CWF19L2: variants seen among roughly 807,000 people sequenced by gnomAD.
CWF19L2 encodes CWF19-like protein 2.
A neutral mutation model predicts 111.7 loss-of-function variants in CWF19L2; 98 were observed. That is an observed-to-expected ratio of 0.88 (90% CI 0.75 to 1.04). The LOEUF (loss-of-function observed/expected upper bound fraction) is 1.04. Ranked by LOEUF, CWF19L2 falls within the 50% of genes least tolerant of loss-of-function variation. The pLI is 0.00. For synonymous variants in CWF19L2, 351 were observed against 342.9 expected (o/e 1.02, Z -0.26); for missense variants, 1,101 against 1,051.4 (o/e 1.05, Z -0.65).
intron 14 of CWF19L2, among the ~76,000 whole-genome samples, chr11:107,343,788 T>G (rs996490880): frequency 2.6e-4 from 39 of 152,186 alleles, no homozygotes; most frequent in African/African-American, 8.4e-4. Flanking sequence ...CATACATATA[T>G]ATTTAATCAC....
intron 12 of CWF19L2, among the ~76,000 whole-genome samples, chr11:107,361,810 T>C (rs1272356514): frequency 1.3e-5 from 2 of 152,074 alleles, no homozygotes; most frequent in Non-Finnish European, 2.9e-5. Flanking sequence ...TGGAAGATGT[T>C]GGGGGAGGAG....
At chr11:107,363,257 T>C (rs1303108012) in intron 12 of CWF19L2, among the ~76,000 whole-genome samples, 6 of 152,028 alleles carry the variant, frequency 3.9e-5, no homozygotes, top group Non-Finnish European at 5.9e-5. Flanking sequence ...CTGCGGGATA[T>C]TATCCAGGAG....
At chr11:107,363,230 C>G (rs1860384740) in intron 12 of CWF19L2, among the ~76,000 whole-genome samples, 1 of 152,058 alleles carries the variant, frequency 6.6e-6, no homozygotes, top group South Asian at 2.1e-4. Flanking sequence ...GAGAATGGAA[C>G]CAAGTTGGAA....
intron 8 of CWF19L2, among the ~76,000 whole-genome samples, chr11:107,418,838 C>CA (rs1444740855): frequency 1.3e-5 from 2 of 151,966 alleles, no homozygotes; most frequent in Non-Finnish European, 2.9e-5. Context: ...AAGCCTCACA[C>CA]AAAAAAAGAA....
intron 12 of CWF19L2, among the ~76,000 whole-genome samples, chr11:107,385,286 T>A (rs145859283): frequency 1.3e-5 from 2 of 150,990 alleles, no homozygotes; most frequent in Non-Finnish European, 2.9e-5. Context: ...TGGCATTGCT[T>A]TGCATATTTA....
At chr11:107,397,382 T>C (rs917617146) in intron 10 of CWF19L2, among the ~76,000 whole-genome samples, 2 of 152,092 alleles carry the variant, frequency 1.3e-5, no homozygotes, top group African/African-American at 2.4e-5. Flanking sequence ...GTGAGGCCTG[T>C]GACTGCCAGC....
chr11:107,381,226 A>T (rs1860681694), intron 12 of CWF19L2, among the ~76,000 whole-genome samples: 1 of 152,212 alleles, frequency 6.6e-6, no homozygotes, highest in African/African-American at 2.4e-5. Flanking sequence ...AATGGTTAAA[A>T]TGGTAAATTT....
chr11:107,374,011 A>G (rs1471446810), intron 12 of CWF19L2, among the ~76,000 whole-genome samples: 1 of 137,304 alleles, frequency 7.3e-6, no homozygotes, highest in Non-Finnish European at 1.6e-5. Context: ...ACTGGAAGAA[A>G]GGGTATCAGC....
chr11:107,418,757 A>T (rs1165409322), intron 8 of CWF19L2, among the ~76,000 whole-genome samples: 1 of 152,230 alleles, frequency 6.6e-6, no homozygotes, highest in Non-Finnish European at 1.5e-5. Flanking sequence ...AAGTCAGTCC[A>T]GAACATAACA....
intron 10 of CWF19L2, among the ~76,000 whole-genome samples, chr11:107,394,884 TA>T: frequency 6.6e-6 from 1 of 152,292 alleles, no homozygotes; most frequent in East Asian, 1.9e-4. Flanking sequence ...ATTCTTTGCT[TA>T]AAAATCTGCA....
Position 107,349,037 on chromosome 11 carries a change from G to C in CWF19L2, c.2102C>G (p.Pro701Arg), listed in dbSNP as rs751893438. 1.3e-6 allele frequency: 2 copies of C among 1,596,768 alleles called. No homozygotes were observed. Among genetic ancestry groups the C allele is most frequent in the South Asian group, 2.2e-5 (2 of 89,640 alleles). Residue 701 changes from proline to arginine, a missense_variant, in exon 14 of 18, where the codon CCC (proline) becomes CGC (arginine). Transcript: ENST00000282251. ...CCCCTCAGTAAGAGACCGTACGTTG[G>C]GTAAACATAAATAAACCTATAAGAG... ...AIGVKVYLCL[P>R]NVRSLTEGHC...
At chr11:107,393,948 A>C (rs559744303) in intron 10 of CWF19L2, among the ~76,000 whole-genome samples, 23 of 152,176 alleles carry the variant, frequency 1.5e-4, no homozygotes, top group Non-Finnish European at 2.4e-4. Flanking sequence ...TATTCAGGTG[A>C]TGGGTAGAAG....
chr11:107,424,007 T>C lies in CWF19L2; in HGVS notation c.1433+4792A>G, dbSNP rs181041591. On this transcript the variant is annotated intron_variant, in intron 8 of 17. Transcript: ENST00000282251. ...CTAATGTGAGCTTCTCATGAAGAAC[T>C]AGAAGTTGTTTCTTTATAATACCAA... 8.0e-4 allele frequency among the ~76,000 whole-genome samples: 122 copies of C among 151,972 alleles called. 1 individual carries two copies. The Middle Eastern group carries it at 0.031, about 38-fold the overall frequency.
At chr11:107,357,102 T>C (rs1005014239) in intron 12 of CWF19L2, among the ~76,000 whole-genome samples, 5 of 151,588 alleles carry the variant, frequency 3.3e-5, no homozygotes, top group Non-Finnish European at 5.9e-5. Context: ...AGAAACTAAG[T>C]AACTTAACCA....
In CWF19L2 at chr11:107,429,542, G is replaced by A. The variant is rs1040720932; in HGVS notation, c.781-91C>T. ...ATGTCACTGTATGACTCACTGCCAA[G>A]TGGCACACTGAAAAGCCCACTAACG... On this transcript the variant is annotated intron_variant, in intron 7 of 17. Transcript: ENST00000282251. The A allele has an allele frequency of 3.0e-5, 30 of 996,544 alleles. 1 individual carries two copies. The highest frequency in any genetic ancestry group is 3.0e-4 in the African/African-American group (18 of 60,614). 61.7% of individuals were successfully genotyped at this position (996,544 alleles called of 1,614,324 possible).
chr11:107,428,935 G>T lies in CWF19L2; in HGVS notation c.1297C>A (p.Gln433Lys). ...DGRGDKKHSN[Q>K]KPSETSTDEH... ...TCAGTACTGGTTTCCGATGGCTTTT[G>T]ATTTGAATGTTTCTTGTCTCCTCTC... Residue 433 changes from glutamine (Q) to lysine (K), a missense_variant, in exon 8 of 18, where the codon CAA (glutamine) becomes AAA (lysine). Coordinates refer to ENST00000282251, the MANE Select transcript of CWF19L2 (RefSeq NM_152434.3). 6.2e-7 allele frequency: 1 copy of T among 1,613,548 alleles called. No homozygotes were observed.
intron 12 of CWF19L2, among the ~76,000 whole-genome samples, chr11:107,379,904 A>C (rs549618990): frequency 4.0e-5 from 6 of 151,662 alleles, no homozygotes; most frequent in African/African-American, 1.4e-4. Context: ...CTAAAAATAC[A>C]AAAAAAATTA....
intron 4 of CWF19L2, 88 bp from the exon 5 acceptor site, chr11:107,441,710 A>C (rs1191253599): frequency 2.3e-6 from 3 of 1,325,686 alleles, no homozygotes; most frequent in Non-Finnish European, 2.9e-6. Context: ...CTTGGTAATA[A>C]GAGCAGGGAC....
chr11:107,331,790 T>A (rs548772906), intron 16 of CWF19L2, among the ~76,000 whole-genome samples: 1 of 152,378 alleles, frequency 6.6e-6, no homozygotes, highest in East Asian at 1.9e-4. Context: ...AACACACTAC[T>A]ACTTTCACAC....
Sources: allele counts gnomAD v4.1 joint callset (sites outside exome capture counted in the v4.1 genomes callset), GRCh38; gene constraint gnomAD v4.1.1; transcripts MANE v1.5; gene names NCBI Gene and HGNC (gene_info 2026-07-23, HGNC 2026-07-21).